The following SLC6A14 variants were observed in gnomAD, a reference collection of about 807,000 sequenced individuals.
SLC6A14 encodes the protein sodium- and chloride-dependent neutral and basic amino acid transporter B(0+).
Under a neutral mutation model 51.4 loss-of-function variants are expected in SLC6A14, and 21 were observed. That is an observed-to-expected ratio of 0.41 (90% confidence interval 0.29 to 0.59). The LOEUF (loss-of-function observed/expected upper bound fraction) is 0.59, where lower values mean the gene tolerates loss of function less well. Among genes scored for constraint, SLC6A14 ranks in the 20% least tolerant of loss-of-function variants. SLC6A14 has a pLI of 0.31. For missense variants in SLC6A14, 371 were observed against 472.8 expected, an observed-to-expected ratio of 0.78 and a Z score of 2.00; for synonymous variants, 177 against 160.7, an observed-to-expected ratio of 1.10 and a Z score of -0.77.
At chrX:116,450,093 T>G (rs1223384272) in intron 7 of SLC6A14, among the ~76,000 whole-genome samples, 1 of 111,456 alleles carries the variant, frequency 9.0e-6, no homozygotes, top group Non-Finnish European at 1.9e-5. Flanking sequence ...TAGCCGTTTT[T>G]TAAAAGTAAT....
Position 116,441,087 on chromosome X carries a change from A to G in SLC6A14, c.336A>G (p.Pro112=). 4.1e-6 allele frequency: 5 copies of G among 1,210,485 alleles called. No homozygotes were observed. The highest frequency in any genetic ancestry group is 5.6e-6 in the Non-Finnish European group (5 of 894,692). Residue 112 remains proline, a synonymous_variant, in exon 3 of 14, where the codon CCA becomes CCG. Transcript: ENST00000598581. The part of the protein sequence containing the change: ...LGPVSVWRIL[P]LFQGVGITMV... Reference sequence around the variant, plus strand: ...CAGTTTCAGTTTGGAGGATTCTTCCATTGTTTCAAGGTTGGTATTAAAGCG... The same window carrying G: ...CAGTTTCAGTTTGGAGGATTCTTCCGTTGTTTCAAGGTTGGTATTAAAGCG...
In SLC6A14 at chrX:116,442,869, A is replaced by G. The variant is rs782092865; in HGVS notation, c.508+21A>G. On this transcript the variant is annotated intron_variant, in intron 4 of 13. Transcript: ENST00000598581. The stretch of plus-strand genomic sequence containing the variant: ...AATAGGTAAAATTTGTCAACACCCA[A>G]ATAGTTCTTTTATATATATTTTTTA... 8 of 1,099,467 alleles carry G rather than the reference A, an allele frequency of 7.3e-6. No individual in the cohort carries two copies. The East Asian group carries it at 1.9e-4, about 26-fold the overall frequency. The allele number at this position is 1,099,467 out of a possible 1,213,427, so 90.6% of individuals were successfully genotyped here.
At chrX:116,440,938 T>G (rs782448369) in intron 2 of SLC6A14, 28 bp from the exon 3 acceptor site, 1 of 1,205,161 alleles carries the variant, frequency 8.3e-7, no homozygotes, top group Admixed American at 2.2e-5. Context: ...GCTGTAATAG[T>G]GCTTTGGTTC....
In SLC6A14 at chrX:116,457,773, T is replaced by C. The variant is rs199910782; in HGVS notation, c.1779T>C (p.Phe593=). Residue 593 remains phenylalanine (F), a synonymous_variant, in exon 13 of 14, where the codon TTT becomes TTC. Transcript: ENST00000598581. ...IKIIQAKGNI[F]QRLISCCRPA... ...TAATTCAGGCTAAAGGAAACATCTTTCAAGTGAGTGCATTAAAATTGTTTA... is the reference window on the plus strand; with the variant it reads ...TAATTCAGGCTAAAGGAAACATCTTCCAAGTGAGTGCATTAAAATTGTTTA... 197 of 1,171,580 alleles carry C rather than the reference T, an allele frequency of 1.7e-4. 1 individual carries two copies. The East Asian group carries it at 5.0e-3, about 29-fold the overall frequency.
chrX:116,442,865 C>G lies in SLC6A14; in HGVS notation c.508+17C>G, dbSNP rs1235499484. ...CACCAATAGGTAAAATTTGTCAACA[C>G]CCAAATAGTTCTTTTATATATATTT... On this transcript the variant is annotated intron_variant, in intron 4 of 13. Coordinates refer to ENST00000598581, the MANE Select transcript of SLC6A14 (RefSeq NM_007231.5). 7.2e-6 allele frequency: 8 copies of G among 1,106,921 alleles called. No individual in the cohort carries two copies. The highest frequency in any genetic ancestry group is 9.7e-6 in the Non-Finnish European group (8 of 825,388). The allele number at this position is 1,106,921 out of a possible 1,213,427, so 91.2% of individuals were successfully genotyped here. A position where few individuals can be genotyped will look rare whatever the true frequency, so the allele number is the denominator to read the frequency against.
chrX:116,437,840 T>G lies in SLC6A14; in HGVS notation c.99T>G (p.Asn33Lys), dbSNP rs781788334. 197 of 1,206,644 alleles carry G rather than the reference T, an allele frequency of 1.6e-4. No homozygotes were observed. Among genetic ancestry groups the G allele is most frequent in the Non-Finnish European group, 1.9e-4 (167 of 892,868 alleles). Residue 33 changes from asparagine (N) to lysine (K), a missense_variant, in exon 2 of 14, where the codon AAT becomes AAG. Around this residue, in one of 2 missense-constraint regions of SLC6A14, gnomAD observed 277 missense variants for 391.8 expected, o/e 0.71. Transcript: ENST00000598581. ...TCCATGTTGGTGAAAATGATGAGAA[T>G]CAGGACCGTGGTAACTGGTCCAAAA... ...ENFHVGENDE[N>K]QDRGNWSKKS...
intron 13 of SLC6A14, among the ~76,000 whole-genome samples, chrX:116,458,414 T>C (rs1189028759): frequency 9.0e-6 from 1 of 111,423 alleles, no homozygotes; most frequent in African/African-American, 3.3e-5. Context: ...CCTTTGTTCT[T>C]GAAACACATC....
intron 1 of SLC6A14, 131 bp from the exon 2 acceptor site, chrX:116,437,659 G>A: frequency 1.6e-6 from 1 of 612,789 alleles, no homozygotes; most frequent in Non-Finnish European, 2.5e-6. Flanking sequence ...ACTTTCTAAA[G>A]CATTCCCCTC....
chrX:116,437,042 A>G (rs1055442531), intron 1 of SLC6A14, among the ~76,000 whole-genome samples: 8 of 111,530 alleles, frequency 7.2e-5, no homozygotes, highest in African/African-American at 2.3e-4. Flanking sequence ...AGGAAAGTAC[A>G]AAAGTACACT....
intron 7 of SLC6A14, 72 bp from the exon 8 acceptor site, chrX:116,451,370 C>A: frequency 1.4e-6 from 1 of 722,042 alleles, no homozygotes. Flanking sequence ...TATTCATTTG[C>A]TTATGTGAAA....
intron 2 of SLC6A14, among the ~76,000 whole-genome samples, chrX:116,440,637 T>C (rs1408289719): frequency 1.8e-5 from 2 of 111,563 alleles, no homozygotes; most frequent in Non-Finnish European, 1.9e-5. Context: ...ACATAACTGG[T>C]AAATGGTCTA....
intron 12 of SLC6A14, 121 bp from the exon 13 acceptor site, chrX:116,457,488 A>T: frequency 1.9e-6 from 1 of 531,342 alleles, no homozygotes. Flanking sequence ...CAATTATTTG[A>T]ATATATTTTC....
Position 116,460,252 on chromosome X carries a change from T to G in SLC6A14, c.*1297T>G, listed in dbSNP as rs1378537779. 3 of 111,780 alleles carry G rather than the reference T, an allele frequency of 2.7e-5. No homozygotes were observed. The highest frequency in any genetic ancestry group is 5.6e-5 in the Non-Finnish European group (3 of 53,169). 9.2% of individuals were successfully genotyped at this position (111,780 alleles called of 1,213,427 possible). On this transcript the variant is annotated 3_prime_UTR_variant, in exon 14 of 14. Coordinates refer to ENST00000598581, the MANE Select transcript of SLC6A14 (RefSeq NM_007231.5). ...GGTTTATCAGAATATCAAGGAAAAC[T>G]GTGACCCAAAGAAGTTTAAGAATCA...
At chrX:116,438,120 A>T (rs1927520397) in intron 2 of SLC6A14, among the ~76,000 whole-genome samples, 165 bp downstream of exon 2, 1 of 110,371 alleles carries the variant, frequency 9.1e-6, no homozygotes, top group Admixed American at 9.8e-5. Context: ...ATTTATTATT[A>T]GTCTGGGTTA....
intron 7 of SLC6A14, among the ~76,000 whole-genome samples, chrX:116,448,335 A>T (rs1556694191): frequency 8.9e-6 from 1 of 112,008 alleles, no homozygotes; most frequent in African/African-American, 3.2e-5. Flanking sequence ...TTCTTATTAT[A>T]GTCTTGGAGA....
intron 2 of SLC6A14, among the ~76,000 whole-genome samples, chrX:116,440,278 T>C (rs1320491419): frequency 1.8e-5 from 2 of 112,169 alleles, no homozygotes; most frequent in Non-Finnish European, 3.8e-5. Context: ...AATTGAAAGT[T>C]AACTACAAGT....
chrX:116,438,892 C>T (rs782636939), intron 2 of SLC6A14, among the ~76,000 whole-genome samples: 1 of 111,736 alleles, frequency 8.9e-6, no homozygotes, highest in Admixed American at 9.5e-5. Context: ...AAAATATTCA[C>T]AGTGGTCTTC....
At chrX:116,443,905 G>A in intron 5 of SLC6A14, 115 bp downstream of exon 5, 1 of 598,909 alleles carries the variant, frequency 1.7e-6, no homozygotes, top group East Asian at 3.9e-5. Flanking sequence ...AGGAAAATCA[G>A]GACAAATTAT....
At chrX:116,445,230 A>C (rs1927682527) in intron 6 of SLC6A14, among the ~76,000 whole-genome samples, 180 bp downstream of exon 6, 1 of 110,544 alleles carries the variant, frequency 9.0e-6, no homozygotes, top group Non-Finnish European at 1.9e-5. Flanking sequence ...GTTATTGCTA[A>C]ATACAAAACA....
Sources: allele counts gnomAD v4.1 joint callset (sites outside exome capture counted in the v4.1 genomes callset), GRCh38; gene constraint gnomAD v4.1.1; regional missense constraint gnomAD v4.1.1; transcripts MANE v1.5; gene names NCBI Gene and HGNC (gene_info 2026-07-23, HGNC 2026-07-21).